Variants in TRPC7 observed in about 807,000 individuals in gnomAD.
The protein encoded by TRPC7 is transient receptor potential cation channel subfamily C member 7, also known as short transient receptor potential channel 7.
TRPC7 carries 42 observed loss-of-function variants against 90.1 expected under a neutral mutation model. That is an observed-to-expected ratio of 0.47 (90% confidence interval 0.36 to 0.60). The LOEUF (loss-of-function observed/expected upper bound fraction) is 0.60. Among genes scored for constraint, TRPC7 ranks in the 20% least tolerant of loss-of-function variants. TRPC7 has a pLI of 0.00. For missense variants in TRPC7, 955 were observed against 1,112.3 expected (o/e 0.86, Z 2.01); for synonymous variants, 451 against 436.3 (o/e 1.03, Z -0.42).
chr5:136,227,628 G>C (rs965922411), intron 8 of TRPC7, among the ~76,000 whole-genome samples: 5 of 152,166 alleles, frequency 3.3e-5, no homozygotes, highest in African/African-American at 9.7e-5. Context: ...TGAGGGCAGG[G>C]CTTACTCCTG....
At chr5:136,346,454 T>C (rs1663576613) in intron 2 of TRPC7, among the ~76,000 whole-genome samples, 2 of 152,052 alleles carry the variant, frequency 1.3e-5, no homozygotes, top group Non-Finnish European at 2.9e-5. Context: ...CCTCCCTCCT[T>C]TTATCTGTTC....
intron 7 of TRPC7, among the ~76,000 whole-genome samples, chr5:136,236,180 T>TC (rs1458861483): frequency 6.6e-6 from 1 of 152,198 alleles, no homozygotes; most frequent in Non-Finnish European, 1.5e-5. Context: ...TGTGTTTCTG[T>TC]GCTTTTGGAG....
In TRPC7 at chr5:136,280,013, A is replaced by G. The variant is rs185658733; in HGVS notation, c.964-5176T>C. Among the ~76,000 whole-genome samples, 58 of 152,204 alleles carry G rather than the reference A, an allele frequency of 3.8e-4. No individual in the cohort carries two copies. The East Asian group carries it at 8.9e-3, about 23-fold the overall frequency. ...ACTGAAAAAAAAAAATACAAAAATT[A>G]GCTGGGCATGGTGGCTGGTGCCTGT... On this transcript the variant is annotated intron_variant, in intron 3 of 11. Coordinates refer to ENST00000513104, the MANE Select transcript of TRPC7 (RefSeq NM_020389.3).
chr5:136,241,463 T>C (rs1397689453), intron 7 of TRPC7, among the ~76,000 whole-genome samples: 2 of 152,228 alleles, frequency 1.3e-5, no homozygotes, highest in Non-Finnish European at 2.9e-5. Flanking sequence ...CTTCCTACTC[T>C]GGACCACCTC....
At chr5:136,335,329 C>T (rs1391353057) in intron 2 of TRPC7, among the ~76,000 whole-genome samples, 2 of 151,978 alleles carry the variant, frequency 1.3e-5, no homozygotes, top group Non-Finnish European at 2.9e-5. Flanking sequence ...AACATCCAAA[C>T]CTGATCTTCT....
Position 136,357,214 on chromosome 5 carries a change from C to T in TRPC7, c.174G>A (p.Val58=). The change falls in exon 2 of 12, where the codon GTG becomes GTA. Residue 58 remains valine, a synonymous_variant. Coordinates refer to ENST00000513104, the MANE Select transcript of TRPC7 (RefSeq NM_020389.3). ...TGGACTCCTCCAGCATTTTCCGGAC[C>T]ACCGGGATGTTGCCATACTCAGCCG... is the stretch of plus-strand genomic sequence containing the variant. ...LDSAEYGNIP[V]VRKMLEESKT... 1.2e-6 allele frequency: 2 copies of T among 1,613,994 alleles called. No homozygotes were observed. The highest frequency in any genetic ancestry group is 1.7e-6 in the Non-Finnish European group (2 of 1,180,020).
chr5:136,339,515 G>A (rs997306412), intron 2 of TRPC7, among the ~76,000 whole-genome samples: 3 of 152,084 alleles, frequency 2.0e-5, no homozygotes, highest in African/African-American at 7.2e-5. Flanking sequence ...CATCACTATT[G>A]TCAAACCTAA....
intron 3 of TRPC7, among the ~76,000 whole-genome samples, chr5:136,288,704 A>G (rs1474555824): frequency 6.6e-6 from 1 of 152,238 alleles, no homozygotes; most frequent in Non-Finnish European, 1.5e-5. Context: ...TGTTTTTAAC[A>G]CACAGCCTTT....
chr5:136,329,412 C>T (rs908325654), intron 2 of TRPC7, among the ~76,000 whole-genome samples: 5 of 152,262 alleles, frequency 3.3e-5, no homozygotes, highest in African/African-American at 1.2e-4. Flanking sequence ...CAGATGAGGA[C>T]CACAGGGTGA....
At chr5:136,299,602 G>A (rs984939611) in intron 3 of TRPC7, among the ~76,000 whole-genome samples, 2 of 152,324 alleles carry the variant, frequency 1.3e-5, no homozygotes, top group East Asian at 1.9e-4. Flanking sequence ...AGTAATGCAT[G>A]TGGTACATAT....
rs1455192340 is a variant in TRPC7 at position 136,315,774 on chromosome 5, A to G, written c.786T>C (p.Asp262=). The change falls in exon 3 of 12, where the codon GAT becomes GAC. Residue 262 remains aspartate (D), a synonymous_variant. Coordinates refer to ENST00000513104, the MANE Select transcript of TRPC7 (RefSeq NM_020389.3). ...LANIETEFKN[D]YRKLSMQCKD... is the part of the protein sequence containing the mutation. The stretch of plus-strand genomic sequence containing the variant: ...TGCATTGCATAGATAACTTCCTGTA[A>G]TCGTTCTAACAGAATAGAGAGAAAT... The G allele has an allele frequency of 6.2e-7, 1 of 1,613,416 alleles. No individual in the cohort carries two copies. Among genetic ancestry groups the G allele is most frequent in the Non-Finnish European group, 8.5e-7 (1 of 1,179,616 alleles).
intron 2 of TRPC7, among the ~76,000 whole-genome samples, chr5:136,320,544 T>C (rs1759163728): frequency 6.6e-6 from 1 of 152,180 alleles, no homozygotes; most frequent in African/African-American, 2.4e-5. Flanking sequence ...TTTTAGTTCC[T>C]GTCCTACATC....
intron 2 of TRPC7, among the ~76,000 whole-genome samples, chr5:136,353,461 G>GTGACTACA: frequency 6.6e-6 from 1 of 152,316 alleles, no homozygotes; most frequent in East Asian, 1.9e-4. Flanking sequence ...TCCATAATAT[G>GTGACTACA]TGACTACAAG....
intron 6 of TRPC7, among the ~76,000 whole-genome samples, chr5:136,248,084 T>G (rs1459344962): frequency 1.3e-5 from 2 of 152,196 alleles, no homozygotes; most frequent in African/African-American, 4.8e-5. Flanking sequence ...CTGTACACCC[T>G]CCATGTCTTG....
intron 3 of TRPC7, among the ~76,000 whole-genome samples, chr5:136,304,683 A>T (rs1181242949): frequency 6.6e-6 from 1 of 151,948 alleles, no homozygotes; most frequent in African/African-American, 2.4e-5. Context: ...GCAAGGCTTC[A>T]CAGACAGCCC....
intron 3 of TRPC7, among the ~76,000 whole-genome samples, chr5:136,301,661 A>C (rs1758394778): frequency 6.6e-6 from 1 of 152,126 alleles, no homozygotes; most frequent in Non-Finnish European, 1.5e-5. Flanking sequence ...CCTGCCCGCA[A>C]AACATTGCTC....
intron 3 of TRPC7, among the ~76,000 whole-genome samples, chr5:136,295,299 A>G (rs1758127367): frequency 1.3e-5 from 2 of 152,336 alleles, no homozygotes; most frequent in Middle Eastern, 3.4e-3. Context: ...AATAATAATA[A>G]TAAAGAAAAA....
chr5:136,343,901 G>A (rs1193363478), intron 2 of TRPC7, among the ~76,000 whole-genome samples: 2 of 152,116 alleles, frequency 1.3e-5, no homozygotes, highest in Non-Finnish European at 2.9e-5. Flanking sequence ...CAGAAATCCT[G>A]TTAAAAAGTG....
chr5:136,293,796 A>C (rs1758053691), intron 3 of TRPC7, among the ~76,000 whole-genome samples: 1 of 152,186 alleles, frequency 6.6e-6, no homozygotes, highest in Non-Finnish European at 1.5e-5. Flanking sequence ...ACTACTTTAA[A>C]GTTCATATGG....
Sources: allele counts gnomAD v4.1 joint callset (sites outside exome capture counted in the v4.1 genomes callset), GRCh38; gene constraint gnomAD v4.1.1; transcripts MANE v1.5; gene names NCBI Gene and HGNC (gene_info 2026-07-23, HGNC 2026-07-21).